GALNTL5: variants seen among roughly 807,000 people sequenced by gnomAD.
GALNTL5 encodes inactive polypeptide N-acetylgalactosaminyltransferase-like protein 5.
A neutral mutation model predicts 51.0 loss-of-function variants in GALNTL5; 44 were observed. That is an observed-to-expected ratio of 0.86 (90% CI 0.68 to 1.11). The LOEUF is 1.11. GALNTL5 is among the 50% of genes least tolerant of loss of function. The probability of loss-of-function intolerance (pLI) is 0.00; values close to 1 mark genes in which losing one functional copy is unlikely to be tolerated. For synonymous variants in GALNTL5, 192 were observed against 182.8 expected, an observed-to-expected ratio of 1.05 and a Z score of -0.41; for missense variants, 528 against 531.8, an observed-to-expected ratio of 0.99 and a Z score of 0.07.
intron 5 of GALNTL5, among the ~76,000 whole-genome samples, chr7:151,993,259 G>A (rs1267691093): frequency 2.0e-5 from 3 of 151,056 alleles, no homozygotes; most frequent in Middle Eastern, 3.2e-3. Flanking sequence ...AGGAAGATGC[G>A]TTTATGATTT....
intron 7 of GALNTL5, among the ~76,000 whole-genome samples, chr7:152,011,540 G>A (rs993538214): frequency 6.6e-6 from 1 of 152,236 alleles, no homozygotes; most frequent in South Asian, 2.1e-4. Flanking sequence ...GCACTTGAAA[G>A]ATTATCCCTA....
chr7:151,983,037 T>C lies in GALNTL5; in HGVS notation c.420T>C (p.Ile140=). 1 of 1,614,188 alleles carries C rather than the reference T, an allele frequency of 6.2e-7. No individual in the cohort carries two copies. Among genetic ancestry groups the C allele is most frequent in the African/African-American group, 1.3e-5 (1 of 75,052 alleles). Reference sequence around the variant, plus strand: ...GCCTCCCGACTGCCAGCATTGTCATTTGCTTCTATAATGAAGAATGTAATG... The same window carrying C: ...GCCTCCCGACTGCCAGCATTGTCATCTGCTTCTATAATGAAGAATGTAATG... ...PARLPTASIV[I]CFYNEECNAL... The change falls in exon 4 of 9, where the codon ATT becomes ATC. Residue 140 remains isoleucine (I), a synonymous_variant. Coordinates refer to ENST00000392800, the MANE Select transcript of GALNTL5 (RefSeq NM_145292.4).
At chr7:151,973,996 C>A (rs1563005978) in intron 3 of GALNTL5, among the ~76,000 whole-genome samples, 4 of 152,154 alleles carry the variant, frequency 2.6e-5, no homozygotes, top group Admixed American at 2.0e-4. Context: ...TGTCCTGCTG[C>A]CGTGTAAAAT....
At position 151,994,349 on chromosome 7, in the gene GALNTL5, C is replaced by A. The variant is rs145769953; in HGVS notation, c.658+7068C>A. ...TCTATTGAGATGCAAACTGTACCTA[C>A]TGAGCCTGGAGACGGGTTTTCACGT... is the stretch of plus-strand genomic sequence containing the variant. On this transcript the variant is annotated intron_variant, in intron 5 of 8. Coordinates refer to ENST00000392800, the MANE Select transcript of GALNTL5 (RefSeq NM_145292.4). 5.9e-5 allele frequency among the ~76,000 whole-genome samples: 9 copies of A among 152,288 alleles called. No homozygotes were observed. In the East Asian group the frequency reaches 1.7e-3, roughly 29 times the overall value.
intron 1 of GALNTL5, among the ~76,000 whole-genome samples, chr7:151,958,378 T>C (rs901695594): frequency 1.3e-5 from 2 of 152,218 alleles, no homozygotes; most frequent in African/African-American, 4.8e-5. Flanking sequence ...TGGTGGTGCC[T>C]GAAAACTCAG....
chr7:152,001,300 G>A (rs548552657), intron 5 of GALNTL5, among the ~76,000 whole-genome samples: 1 of 148,984 alleles, frequency 6.7e-6, no homozygotes, highest in Admixed American at 6.7e-5. Context: ...TTTTTCTTAT[G>A]TCCCCTGTAT....
At chr7:151,991,721 A>G (rs899042655) in intron 5 of GALNTL5, among the ~76,000 whole-genome samples, 2 of 152,092 alleles carry the variant, frequency 1.3e-5, no homozygotes, top group Non-Finnish European at 2.9e-5. Flanking sequence ...AGAAGTTTTT[A>G]TATCTTCTTA....
At chr7:151,991,368 G>A (rs1481632502) in intron 5 of GALNTL5, among the ~76,000 whole-genome samples, 1 of 152,172 alleles carries the variant, frequency 6.6e-6, no homozygotes, top group Non-Finnish European at 1.5e-5. Flanking sequence ...CGGGATTACA[G>A]GCGTGAGCCA....
At chr7:151,993,903 T>C (rs1474385076) in intron 5 of GALNTL5, among the ~76,000 whole-genome samples, 2 of 152,234 alleles carry the variant, frequency 1.3e-5, no homozygotes, top group Non-Finnish European at 2.9e-5. Flanking sequence ...ATTACAGGCA[T>C]GAGCCACCAC....
chr7:151,988,227 T>C (rs1158635672), intron 5 of GALNTL5, among the ~76,000 whole-genome samples: 2 of 152,182 alleles, frequency 1.3e-5, no homozygotes, highest in Non-Finnish European at 1.5e-5. Flanking sequence ...AAGGGCAGTT[T>C]CTGGGGAGGG....
Position 151,967,367 on chromosome 7 carries a change from G to C in GALNTL5, c.121G>C (p.Glu41Gln), listed in dbSNP as rs1309352702. 1.2e-6 allele frequency: 2 copies of C among 1,614,120 alleles called. No individual in the cohort carries two copies. Among genetic ancestry groups the C allele is most frequent in the Non-Finnish European group, 1.7e-6 (2 of 1,180,010 alleles). Residue 41 changes from glutamate to glutamine, a missense_variant, in exon 2 of 9, where the codon GAG becomes CAG. By Grantham distance (29) the Glu-to-Gln change is conservative. Coordinates refer to ENST00000392800, the MANE Select transcript of GALNTL5 (RefSeq NM_145292.4). ...GAGCAGCTGGCAGAAGAAAAGCCAGGAGCCTCTGTCAGCTTGGTCCCCTGG... is the reference window on the plus strand; with the variant it reads ...GAGCAGCTGGCAGAAGAAAAGCCAGCAGCCTCTGTCAGCTTGGTCCCCTGG... ...HVSSWQKKSQ[E>Q]PLSAWSPGKK...
intron 1 of GALNTL5, among the ~76,000 whole-genome samples, chr7:151,963,283 T>A (rs1308841155): frequency 6.6e-6 from 1 of 152,278 alleles, no homozygotes; most frequent in Non-Finnish European, 1.5e-5. Context: ...TGGGTAGATG[T>A]TCTTTCTGCC....
At chr7:151,965,221 A>G (rs989943361) in intron 1 of GALNTL5, among the ~76,000 whole-genome samples, 3 of 152,160 alleles carry the variant, frequency 2.0e-5, no homozygotes, top group African/African-American at 7.2e-5. Flanking sequence ...CCTTGTTTCC[A>G]CATCAGAGTC....
rs76767847 is a variant in GALNTL5 at position 152,016,404 on chromosome 7, C to CAAA, written c.1176+1625_1176+1627dup. Among the ~76,000 whole-genome samples the CAAA allele has an allele frequency of 2.5e-3, 273 of 109,624 alleles. 2 individuals carry two copies. The highest frequency in any genetic ancestry group is 8.4e-3 in the African/African-American group (254 of 30,084). The allele number at this position is 109,624 out of a possible 152,430, so 71.9% of individuals were successfully genotyped here. On this transcript the variant is annotated intron_variant, in intron 8 of 8. Coordinates refer to ENST00000392800, the MANE Select transcript of GALNTL5 (RefSeq NM_145292.4). ...GGGCAACGAGAGCAAAACTCCGTCTCAAAAAAAAAAAAAAAATCTTATGGG... is the reference window on the plus strand; with the variant it reads ...GGGCAACGAGAGCAAAACTCCGTCTCAAAAAAAAAAAAAAAAAAATCTTATGGG...
chr7:151,981,542 TTCCC>T (rs2081286122), intron 3 of GALNTL5, among the ~76,000 whole-genome samples: 4 of 144,350 alleles, frequency 2.8e-5, no homozygotes, highest in African/African-American at 7.9e-5. Context: ...TACATCTCTC[TTCCC>T]TTCCTTCCTT....
At chr7:151,998,300 T>C (rs1194515263) in intron 5 of GALNTL5, among the ~76,000 whole-genome samples, 1 of 151,206 alleles carries the variant, frequency 6.6e-6, no homozygotes, top group East Asian at 2.0e-4. Flanking sequence ...ATAAAGAAAT[T>C]TCAAAGCTTA....
intron 5 of GALNTL5, among the ~76,000 whole-genome samples, chr7:151,994,460 G>GT (rs1012437723): frequency 1.3e-5 from 2 of 152,002 alleles, no homozygotes; most frequent in African/African-American, 4.8e-5. Flanking sequence ...TGTCTCTCCA[G>GT]TAGGGCCTGC....
intron 3 of GALNTL5, among the ~76,000 whole-genome samples, chr7:151,975,357 T>G (rs991311664): frequency 1.3e-5 from 2 of 152,150 alleles, no homozygotes; most frequent in Non-Finnish European, 2.9e-5. Flanking sequence ...TGTTGGCATA[T>G]AATTGTTCAT....
chr7:152,009,306 G>A (rs755301282), intron 7 of GALNTL5, among the ~76,000 whole-genome samples: 14 of 152,146 alleles, frequency 9.2e-5, no homozygotes, highest in Admixed American at 1.3e-4. Context: ...CCGTGACATC[G>A]TTCCAGGAAC....
Sources: gnomAD v4.1 joint callset for allele counts (sites outside exome capture counted in the v4.1 genomes callset) on GRCh38, gnomAD v4.1.1 for gene constraint, MANE v1.5 for transcripts, NCBI Gene and HGNC (gene_info 2026-07-23, HGNC 2026-07-21) for gene names.